MAP3K20: variants seen among roughly 807,000 people sequenced by gnomAD.
MAP3K20 encodes the protein HCCS-4.
Under a neutral mutation model 85.7 loss-of-function variants are expected in MAP3K20, and 40 were observed. The ratio of observed to expected loss-of-function variants is 0.47; its 90% CI spans 0.36 to 0.61. The LOEUF (loss-of-function observed/expected upper bound fraction) is 0.61. MAP3K20 is among the 20% of genes least tolerant of loss of function. The probability of loss-of-function intolerance (pLI) is 0.00; values close to 1 mark genes in which losing one functional copy is unlikely to be tolerated. For synonymous variants in MAP3K20, 325 were observed against 327.7 expected (o/e 0.99, Z 0.09); for missense variants, 817 against 961.7 (o/e 0.85, Z 1.99).
At chr2:173,244,180 C>T (rs929571874) in intron 16 of MAP3K20, among the ~76,000 whole-genome samples, 1 of 152,006 alleles carries the variant, frequency 6.6e-6, no homozygotes, top group African/African-American at 2.4e-5. Context: ...GTGTGGGCAA[C>T]TAGAGAGATG....
At chr2:173,225,820 CT>C (rs1374798873) in intron 11 of MAP3K20, 1 of 984,628 alleles carries the variant, frequency 1.0e-6, no homozygotes, top group Non-Finnish European at 1.2e-6. Context: ...AAAATGGTTT[CT>C]TTCTCCTTAG....
At chr2:173,096,032 A>G (rs1687448699) in intron 2 of MAP3K20, among the ~76,000 whole-genome samples, 1 of 152,208 alleles carries the variant, frequency 6.6e-6, no homozygotes, top group Non-Finnish European at 1.5e-5. Flanking sequence ...TCTAGTGCCT[A>G]TCATTAATAT....
chr2:173,248,026 G>A (rs1020052733), intron 16 of MAP3K20, among the ~76,000 whole-genome samples: 1 of 152,222 alleles, frequency 6.6e-6, no homozygotes, highest in Non-Finnish European at 1.5e-5. Flanking sequence ...GTGCAGGACA[G>A]AGCACAGGGT....
intron 2 of MAP3K20, among the ~76,000 whole-genome samples, chr2:173,162,618 G>A (rs767308675): frequency 1.3e-5 from 2 of 151,340 alleles, no homozygotes; most frequent in Non-Finnish European, 2.9e-5. Context: ...CCCAGGAGGC[G>A]GAGGTTGCAG....
At chr2:173,220,530 GAATA>G (rs1249549394) in intron 11 of MAP3K20, among the ~76,000 whole-genome samples, 1 of 152,078 alleles carries the variant, frequency 6.6e-6, no homozygotes, top group East Asian at 1.9e-4. Context: ...TTAATAATTT[GAATA>G]AATAGTATTA....
intron 1 of MAP3K20, among the ~76,000 whole-genome samples, chr2:173,077,318 TA>T (rs1686891389): frequency 6.6e-6 from 1 of 150,720 alleles, no homozygotes; most frequent in Admixed American, 6.6e-5. Context: ...CAAGGCTAGT[TA>T]ATGTCCTCTT....
intron 14 of MAP3K20, among the ~76,000 whole-genome samples, chr2:173,237,185 C>A (rs2106335666): frequency 6.6e-6 from 1 of 152,078 alleles, no homozygotes; most frequent in East Asian, 1.9e-4. Flanking sequence ...GGCTACACCA[C>A]ACCTGGCTAA....
At chr2:173,141,282 T>A (rs1054743719) in intron 2 of MAP3K20, among the ~76,000 whole-genome samples, 6 of 152,168 alleles carry the variant, frequency 3.9e-5, no homozygotes, top group Admixed American at 3.9e-4. Context: ...GAAGTTGTAA[T>A]TAGCAGACAA....
chr2:173,085,463 C>T (rs1687119591), intron 1 of MAP3K20, among the ~76,000 whole-genome samples: 1 of 152,144 alleles, frequency 6.6e-6, no homozygotes, highest in Non-Finnish European at 1.5e-5. Context: ...ATGCTTTCAG[C>T]AATTTGGTTA....
chr2:173,107,630 G>A (rs1687820044), intron 2 of MAP3K20, among the ~76,000 whole-genome samples: 1 of 152,208 alleles, frequency 6.6e-6, no homozygotes, highest in South Asian at 2.1e-4. Flanking sequence ...ATATGGCTTC[G>A]TGTTTAAGAG....
intron 16 of MAP3K20, among the ~76,000 whole-genome samples, chr2:173,243,780 C>T (rs770506674): frequency 2.0e-5 from 3 of 152,152 alleles, no homozygotes; most frequent in Non-Finnish European, 4.4e-5. Flanking sequence ...CCCGCCACCA[C>T]GCCCGGCTAA....
intron 3 of MAP3K20, among the ~76,000 whole-genome samples, chr2:173,173,330 T>C (rs1422868184): frequency 6.6e-6 from 1 of 152,072 alleles, no homozygotes; most frequent in African/African-American, 2.4e-5. Context: ...AAGTATCTGG[T>C]AATCTAAGAG....
intron 9 of MAP3K20, among the ~76,000 whole-genome samples, chr2:173,206,202 C>T (rs1374184768): frequency 2.0e-5 from 3 of 152,184 alleles, no homozygotes; most frequent in African/African-American, 7.2e-5. Flanking sequence ...ATTGAGCACT[C>T]AGTACCACAT....
chr2:173,158,094 A>G (rs1338453004), intron 2 of MAP3K20, among the ~76,000 whole-genome samples: 1 of 152,192 alleles, frequency 6.6e-6, no homozygotes, highest in East Asian at 1.9e-4. Flanking sequence ...GCAAGTTTTA[A>G]AGTTTCTCCT....
intron 2 of MAP3K20, among the ~76,000 whole-genome samples, chr2:173,109,077 A>G (rs1687869220): frequency 2.0e-5 from 3 of 152,158 alleles, no homozygotes; most frequent in Admixed American, 2.0e-4. Context: ...CAGAATTTTA[A>G]TCTCCTTACT....
Position 173,190,907 on chromosome 2 carries a change from CTGA to C in MAP3K20, c.431_433del (p.Asp144del). 6.3e-7 allele frequency: 1 copy of C among 1,597,234 alleles called. No individual in the cohort carries two copies. Among genetic ancestry groups the C allele is most frequent in the Non-Finnish European group, 8.6e-7 (1 of 1,168,176 alleles). On this transcript the variant is annotated inframe_deletion, in exon 6 of 20. Transcript: ENST00000375213. The stretch of plus-strand genomic sequence containing the variant: ...TTTCTTTTTTTAGTTGTTATAGCTG[CTGA>C]TGGAGTATTGAAGGTAGGACTATTT...
chr2:173,119,323 C>T (rs767907320), intron 2 of MAP3K20, among the ~76,000 whole-genome samples: 1 of 152,176 alleles, frequency 6.6e-6, no homozygotes, highest in Non-Finnish European at 1.5e-5. Context: ...CAGGAAGCCA[C>T]CTGCTGGGGT....
intron 2 of MAP3K20, among the ~76,000 whole-genome samples, chr2:173,109,031 T>C (rs1443490251): frequency 6.6e-6 from 1 of 152,216 alleles, no homozygotes; most frequent in African/African-American, 2.4e-5. Context: ...TTTTGATATT[T>C]TCTGCTTCAA....
chr2:173,219,872 G>A (rs1684185326), intron 11 of MAP3K20, among the ~76,000 whole-genome samples: 1 of 152,000 alleles, frequency 6.6e-6, no homozygotes, highest in Non-Finnish European at 1.5e-5. Context: ...TTCAAGACCA[G>A]CCTGGACAGC....
Sources: allele counts gnomAD v4.1 joint callset (sites outside exome capture counted in the v4.1 genomes callset), GRCh38; gene constraint gnomAD v4.1.1; transcripts MANE v1.5; gene names NCBI Gene and HGNC (gene_info 2026-07-23, HGNC 2026-07-21).